Variants in C12orf56 observed in about 807,000 individuals in gnomAD.
C12orf56 encodes the protein uncharacterized protein C12orf56.
Under a neutral mutation model 69.9 loss-of-function variants are expected in C12orf56, and 71 were observed. The observed-to-expected ratio is 1.02, with a 90% CI of 0.84 to 1.24. C12orf56 has a LOEUF of 1.24. Ranked by LOEUF, C12orf56 falls within the 50% of genes most tolerant of loss-of-function variation. C12orf56 has a pLI of 0.00. For synonymous variants in C12orf56, 276 were observed against 274.1 expected (o/e 1.01, Z -0.07); for missense variants, 732 against 738.5 (o/e 0.99, Z 0.10).
At chr12:64,313,298 G>T (rs1279498147) in intron 4 of C12orf56, among the ~76,000 whole-genome samples, 1 of 145,850 alleles carries the variant, frequency 6.9e-6, no homozygotes, top group Admixed American at 6.9e-5. Context: ...AAGAAAGAAA[G>T]AAATTATTTA....
intron 8 of C12orf56, among the ~76,000 whole-genome samples, chr12:64,282,820 A>C (rs1303887789): frequency 1.3e-5 from 2 of 151,872 alleles, no homozygotes; most frequent in African/African-American, 4.8e-5. Context: ...TCCCTGGCAC[A>C]TAGCAAGTGA....
At chr12:64,366,000 AT>A (rs1354739895) in intron 1 of C12orf56, among the ~76,000 whole-genome samples, 1 of 126,920 alleles carries the variant, frequency 7.9e-6, no homozygotes, top group African/African-American at 3.2e-5. Flanking sequence ...TATAGTTTAT[AT>A]TATTATATAT....
chr12:64,368,819 C>T (rs944384298), intron 1 of C12orf56, among the ~76,000 whole-genome samples: 2 of 152,150 alleles, frequency 1.3e-5, no homozygotes, highest in Admixed American at 1.3e-4. Context: ...AGCAGTGTGA[C>T]TTCAGTCAAG....
At chr12:64,314,692 T>C (rs2038667047) in intron 4 of C12orf56, among the ~76,000 whole-genome samples, 1 of 151,954 alleles carries the variant, frequency 6.6e-6, no homozygotes. Context: ...TGGAGTGCAG[T>C]AGCGCCATCT....
chr12:64,343,948 A>G (rs1352135046), intron 2 of C12orf56, among the ~76,000 whole-genome samples: 1 of 152,072 alleles, frequency 6.6e-6, no homozygotes, highest in African/African-American at 2.4e-5. Context: ...GGCACTGGGG[A>G]AATGACCACA....
chr12:64,311,831 C>T (rs1323792144), intron 5 of C12orf56, among the ~76,000 whole-genome samples: 1 of 152,160 alleles, frequency 6.6e-6, no homozygotes, highest in Non-Finnish European at 1.5e-5. Context: ...CAGATTTGTG[C>T]TTCCGAAAGA....
chr12:64,374,597 G>T lies in C12orf56; in HGVS notation c.252+15717C>A, dbSNP rs528996713. Among the ~76,000 whole-genome samples, 5 of 150,406 alleles carry T rather than the reference G, an allele frequency of 3.3e-5. No homozygotes were observed. In the South Asian group the frequency reaches 1.0e-3, roughly 31 times the overall value. ...GTCTCGCTGTCACCTAGGCTGGAGT[G>T]CAGTGGCGAGATCTCGGCTCACTGC... On this transcript the variant is annotated intron_variant, in intron 1 of 12. Transcript: ENST00000543942.
Position 64,348,896 on chromosome 12 carries a change from A to T in C12orf56, c.415+3998T>A, listed in dbSNP as rs192598500. 3.5e-4 allele frequency among the ~76,000 whole-genome samples: 53 copies of T among 152,358 alleles called. No individual in the cohort carries two copies. In the East Asian group the frequency reaches 8.9e-3, roughly 25 times the overall value. On this transcript the variant is annotated intron_variant, in intron 2 of 12. Transcript: ENST00000543942. ...TTTGAGATTGTGACATTGGAATAAA[A>T]GAAAAACGTAAGGACTCATGAAGAG...
At chr12:64,333,283 G>A (rs1431858005) in intron 2 of C12orf56, among the ~76,000 whole-genome samples, 1 of 152,140 alleles carries the variant, frequency 6.6e-6, no homozygotes, top group East Asian at 1.9e-4. Context: ...AGGAGGACGA[G>A]ATTACCGAGG....
At chr12:64,363,677 C>T (rs2039427263) in intron 1 of C12orf56, among the ~76,000 whole-genome samples, 1 of 152,016 alleles carries the variant, frequency 6.6e-6, no homozygotes, top group South Asian at 2.1e-4. Flanking sequence ...AATCTTTTTG[C>T]GGAAAAAGGT....
rs1444871768 is a variant in C12orf56, at chr12:64,275,296, A to G, written c.1509+2T>C. 10 of 1,343,704 alleles carry G rather than the reference A, an allele frequency of 7.4e-6. No homozygotes were observed. Among genetic ancestry groups the G allele is most frequent in the Non-Finnish European group, 1.0e-5 (10 of 1,000,984 alleles). The allele number at this position is 1,343,704 out of a possible 1,614,324, so 83.2% of individuals were successfully genotyped here. A position where few individuals can be genotyped will look rare whatever the true frequency, so the allele number is the denominator to read the frequency against. Reference sequence around the variant, plus strand: ...TAAAAATATAATTTTTAAAAATTGTACCTGCTGAAAGACCAGAAGTATCTC... The same window carrying G: ...TAAAAATATAATTTTTAAAAATTGTGCCTGCTGAAAGACCAGAAGTATCTC... On this transcript the variant is annotated splice_donor_variant, in intron 10 of 12. Transcript: ENST00000543942. LOFTEE classifies it high-confidence loss of function.
In C12orf56 at chr12:64,285,378, T is replaced by C. The variant is rs367575474; in HGVS notation, c.1220+576A>G. ...GTCAATGGTAAAAAAGAGAATACAG[T>C]GAAAGCTGTCTCTCCTCCAGATACC... On this transcript the variant is annotated intron_variant, in intron 7 of 12. Coordinates refer to ENST00000543942, the MANE Select transcript of C12orf56 (RefSeq NM_001170633.2). 1.8e-4 allele frequency among the ~76,000 whole-genome samples: 27 copies of C among 152,310 alleles called. No individual in the cohort carries two copies. In the East Asian group the frequency reaches 5.0e-3, roughly 28 times the overall value.
At chr12:64,372,873 T>C (rs185130215) in intron 1 of C12orf56, among the ~76,000 whole-genome samples, 111 of 152,294 alleles carry the variant, frequency 7.3e-4, no homozygotes, top group Non-Finnish European at 1.3e-3. Context: ...ATCAAGCACA[T>C]GCTTTTCCCT....
At chr12:64,281,615 A>G (rs375531553) in intron 8 of C12orf56, among the ~76,000 whole-genome samples, 2 of 152,262 alleles carry the variant, frequency 1.3e-5, no homozygotes, top group African/African-American at 4.8e-5. Flanking sequence ...GTTTTATTAG[A>G]TATTTACTGG....
chr12:64,332,877 GCCCTTTTGCTT>G (rs1437997133), intron 2 of C12orf56, among the ~76,000 whole-genome samples: 1 of 152,158 alleles, frequency 6.6e-6, no homozygotes, highest in South Asian at 2.1e-4. Flanking sequence ...TCACTATTTG[GCCCTTTTGCTT>G]CCCTTTTGAT....
chr12:64,387,340 C>T (rs1427356244), intron 1 of C12orf56, among the ~76,000 whole-genome samples: 1 of 152,182 alleles, frequency 6.6e-6, no homozygotes, highest in Non-Finnish European at 1.5e-5. Flanking sequence ...AAGCTACCAA[C>T]AATGTTGAAA....
chr12:64,344,321 A>G (rs2039113171), intron 2 of C12orf56, among the ~76,000 whole-genome samples: 1 of 152,182 alleles, frequency 6.6e-6, no homozygotes, highest in African/African-American at 2.4e-5. Flanking sequence ...GAAACTGATT[A>G]AGAGGCCATG....
chr12:64,347,851 T>G (rs1347224891), intron 2 of C12orf56, among the ~76,000 whole-genome samples: 1 of 152,230 alleles, frequency 6.6e-6, no homozygotes, highest in Admixed American at 6.5e-5. Flanking sequence ...AAAATATAAA[T>G]TTTTGCCTAG....
At chr12:64,358,144 C>G (rs1296837845) in intron 1 of C12orf56, among the ~76,000 whole-genome samples, 1 of 152,040 alleles carries the variant, frequency 6.6e-6, no homozygotes, top group Non-Finnish European at 1.5e-5. Context: ...TTCCCCCTTT[C>G]TCTCTTATTG....
Sources: allele counts gnomAD v4.1 joint callset (sites outside exome capture counted in the v4.1 genomes callset), GRCh38; gene constraint gnomAD v4.1.1; transcripts MANE v1.5; gene names NCBI Gene and HGNC (gene_info 2026-07-23, HGNC 2026-07-21).